The following HEPH variants were observed in gnomAD, a reference collection of about 807,000 sequenced individuals.
The protein encoded by HEPH is hephaestin.
Under a neutral mutation model 80.8 loss-of-function variants are expected in HEPH, and 69 were observed. That is an observed-to-expected ratio of 0.85 (90% CI 0.70 to 1.04). The LOEUF is 1.04. Among genes scored for constraint, HEPH ranks in the 50% least tolerant of loss-of-function variants. The probability of loss-of-function intolerance (pLI) is 0.00; values close to 1 mark genes in which losing one functional copy is unlikely to be tolerated. For missense variants in HEPH, 1,115 were observed against 891.3 expected, an observed-to-expected ratio of 1.25 and a Z score of -3.20; for synonymous variants, 431 against 322.8, an observed-to-expected ratio of 1.34 and a Z score of -3.60.
Position 66,201,595 on chromosome X carries a change from T to C in HEPH, c.2077+843T>C, listed in dbSNP as rs191992748. 9.0e-3 allele frequency among the ~76,000 whole-genome samples: 1,010 copies of C among 112,007 alleles called. 6 individuals are homozygous for C. Among genetic ancestry groups the C allele is most frequent in the Non-Finnish European group, 0.015 (795 of 53,187 alleles). On this transcript the variant is annotated intron_variant, in intron 12 of 20. Transcript: ENST00000343002. Reference sequence around the variant, plus strand: ...CCAGCCATTAGATGGCAATAGTGTTTGTAAGAACAACCTGTCAGCTCCACG... The same window carrying C: ...CCAGCCATTAGATGGCAATAGTGTTCGTAAGAACAACCTGTCAGCTCCACG...
chrX:66,192,863 T>TA (rs1329496585), intron 7 of HEPH, among the ~76,000 whole-genome samples: 1 of 111,462 alleles, frequency 9.0e-6, no homozygotes, highest in Non-Finnish European at 1.9e-5. Context: ...GTTAGTGCCC[T>TA]ACTCAGTTGC....
downstream of HEPH, chrX:66,268,548 T>C: frequency 8.9e-6 from 1 of 112,026 alleles, no homozygotes; most frequent in Admixed American, 9.5e-5. Context: ...AACATGAATG[T>C]TAATGAAGAC....
At chrX:66,221,551 G>A (rs1040854278) in intron 15 of HEPH, among the ~76,000 whole-genome samples, 22 of 112,530 alleles carry the variant, frequency 2.0e-4, no homozygotes, top group African/African-American at 5.8e-4. Flanking sequence ...AGACATGGGG[G>A]CCAGACTTTG....
chrX:66,191,709 A>G lies in HEPH; in HGVS notation c.1064-421A>G, dbSNP rs192869076. On this transcript the variant is annotated intron_variant, in intron 6 of 20. Transcript: ENST00000343002. ...CCCCTATTTTAAATTTGATGCTCCT[A>G]CCAGCCCCATGAGGTGGATTTTCCT... Among the ~76,000 whole-genome samples the G allele has an allele frequency of 1.6e-3, 179 of 112,107 alleles. 1 individual carries two copies. Among genetic ancestry groups the G allele is most frequent in the African/African-American group, 5.5e-3 (171 of 30,841 alleles).
intron 15 of HEPH, among the ~76,000 whole-genome samples, chrX:66,226,221 C>A (rs2089884094): frequency 8.9e-6 from 1 of 112,360 alleles, no homozygotes; most frequent in African/African-American, 3.2e-5. Flanking sequence ...GAATTCATTT[C>A]TGCCTTTTAG....
intron 7 of HEPH, 63 bp downstream of exon 7, chrX:66,192,361 T>C (rs1323841193): frequency 5.8e-6 from 6 of 1,036,478 alleles, no homozygotes; most frequent in African/African-American, 1.9e-5. Flanking sequence ...ACATTTATTA[T>C]CTTTCTTCCA....
chrX:66,166,466 A>G (rs2086372375), intron 1 of HEPH, among the ~76,000 whole-genome samples: 1 of 112,227 alleles, frequency 8.9e-6, no homozygotes, highest in Non-Finnish European at 1.9e-5. Context: ...AAGTGCTGGC[A>G]TTACAGGCGT....
intron 15 of HEPH, among the ~76,000 whole-genome samples, chrX:66,236,116 A>G (rs972063346): frequency 2.7e-5 from 3 of 111,237 alleles, no homozygotes; most frequent in African/African-American, 9.8e-5. Context: ...TCTTACCTGA[A>G]TGCTCTGGCC....
chrX:66,255,127 G>C lies in HEPH; in HGVS notation c.2656G>C (p.Val886Leu). The C allele has an allele frequency of 1.7e-6, 2 of 1,196,743 alleles. No individual in the cohort carries two copies. The highest frequency in any genetic ancestry group is 2.3e-6 in the Non-Finnish European group (2 of 883,674). The change falls in exon 16 of 21, where the codon GTG becomes CTG. Residue 886 changes from valine to leucine, a missense_variant. Physicochemically the swap from Val to Leu is conservative, Grantham distance 32. Coordinates refer to ENST00000343002, the MANE Select transcript of HEPH (RefSeq NM_001367233.3). ...ACVSWIYYSAVDPIKDMYSGL... is the reference protein window; with the variant it reads ...ACVSWIYYSALDPIKDMYSGL... The stretch of plus-strand genomic sequence containing the variant: ...TGTTTCCTGGATCTATTATTCTGCA[G>C]TGGATCCCATCAAGGTAAATACAAG...
intron 19 of HEPH, among the ~76,000 whole-genome samples, chrX:66,261,190 C>T (rs1326774895): frequency 4.4e-5 from 5 of 112,418 alleles, no homozygotes; most frequent in Non-Finnish European, 7.5e-5. Flanking sequence ...TGGGCCACCA[C>T]ATCTAGCAAG....
At chrX:66,202,905 A>G (rs1401405953) in intron 12 of HEPH, among the ~76,000 whole-genome samples, 2 of 93,487 alleles carry the variant, frequency 2.1e-5, no homozygotes, top group Middle Eastern at 4.7e-3. Context: ...ACAAGGTTTT[A>G]TGTGTGCATA....
chrX:66,247,283 G>T (rs2090848921), intron 15 of HEPH, among the ~76,000 whole-genome samples: 1 of 104,760 alleles, frequency 9.5e-6, no homozygotes, highest in African/African-American at 3.5e-5. Flanking sequence ...CTCCTTCTTT[G>T]ACTTCCATAA....
At position 66,172,551 on chromosome X, in the gene HEPH, C is replaced by T. The variant is rs760595099; in HGVS notation, c.364C>T (p.Pro122Ser). Residue 122 changes from proline to serine, a missense_variant, in exon 3 of 21, where the codon CCC (proline) becomes TCC (serine). Transcript: ENST00000343002. ...TCACCTGAAGAATTTTGCCACTCGTCCCTATACCATCCACCCTCATGGTGT... is the reference window on the plus strand; with the variant it reads ...TCACCTGAAGAATTTTGCCACTCGTTCCTATACCATCCACCCTCATGGTGT... ...LIHLKNFATRPYTIHPHGVFY... is the reference protein window; with the variant it reads ...LIHLKNFATRSYTIHPHGVFY... The T allele has an allele frequency of 3.3e-6, 4 of 1,202,600 alleles. No homozygotes were observed. The South Asian group carries it at 7.3e-5, about 22-fold the overall frequency.
chrX:66,186,430 A>T (rs1409727884), intron 4 of HEPH, among the ~76,000 whole-genome samples: 2 of 112,054 alleles, frequency 1.8e-5, no homozygotes, highest in African/African-American at 6.5e-5. Flanking sequence ...AGCCGGTCTG[A>T]AAAGCGCAAT....
chrX:66,198,169 T>A (rs1415108772), intron 10 of HEPH, among the ~76,000 whole-genome samples: 1 of 91,920 alleles, frequency 1.1e-5, no homozygotes, highest in Non-Finnish European at 2.0e-5. Context: ...CCTCCCTCTC[T>A]CTCCCTTTCC....
intron 4 of HEPH, among the ~76,000 whole-genome samples, chrX:66,179,403 T>G (rs1032050548): frequency 8.9e-6 from 1 of 111,852 alleles, no homozygotes; most frequent in African/African-American, 3.2e-5. Flanking sequence ...TTGTTCTTTT[T>G]GCTTAGGATT....
chrX:66,231,361 C>G (rs1340542638), intron 15 of HEPH, among the ~76,000 whole-genome samples: 1 of 102,065 alleles, frequency 9.8e-6, no homozygotes, highest in African/African-American at 3.6e-5. Flanking sequence ...TGTAAATTAC[C>G]TTGGGCAGTA....
At chrX:66,259,707 T>A (rs1454084639) in intron 18 of HEPH, among the ~76,000 whole-genome samples, 1 of 103,485 alleles carries the variant, frequency 9.7e-6, no homozygotes, top group Non-Finnish European at 1.9e-5. Context: ...ATGAATAAAG[T>A]GGACTTTTTT....
intron 1 of HEPH, among the ~76,000 whole-genome samples, chrX:66,165,472 C>G (rs1460841715): frequency 9.0e-6 from 1 of 111,418 alleles, no homozygotes; most frequent in Non-Finnish European, 1.9e-5. Context: ...TTGAGTAATC[C>G]TTTGTTTAGG....
Sources: gnomAD v4.1 joint callset for allele counts (sites outside exome capture counted in the v4.1 genomes callset) on GRCh38, gnomAD v4.1.1 for gene constraint, MANE v1.5 for transcripts, NCBI Gene and HGNC (gene_info 2026-07-23, HGNC 2026-07-21) for gene names.